The following HCN1 variants were observed in gnomAD, a reference collection of about 807,000 sequenced individuals.
HCN1 encodes the protein potassium/sodium hyperpolarization-activated cyclic nucleotide-gated channel 1.
A neutral mutation model predicts 78.9 loss-of-function variants in HCN1; 13 were observed. That is an observed-to-expected ratio of 0.16 (90% CI 0.11 to 0.26). HCN1 has a LOEUF of 0.26. Among genes scored for constraint, HCN1 ranks in the 10% least tolerant of loss-of-function variants. HCN1 has a pLI of 1.00. For synonymous variants in HCN1, 552 were observed against 455.5 expected (o/e 1.21, Z -2.70); for missense variants, 810 against 1,154.3 (o/e 0.70, Z 4.32).
rs545186145 is a variant in HCN1 at position 45,581,422 on chromosome 5, C to T, written c.849+63763G>A. ...TTCTTTGTAGATTCTGGATATTAGC[C>T]CTTTGTCAGATGAGTAGATTGTAAA... is the stretch of plus-strand genomic sequence containing the variant. On this transcript the variant is annotated intron_variant, in intron 2 of 7. Transcript: ENST00000303230. Among the ~76,000 whole-genome samples the T allele has an allele frequency of 1.3e-4, 20 of 152,018 alleles. 1 individual carries two copies. Among genetic ancestry groups the T allele is most frequent in the African/African-American group, 4.8e-4 (20 of 41,430 alleles).
chr5:45,368,481 C>A (rs1747279759), intron 4 of HCN1, among the ~76,000 whole-genome samples: 1 of 151,954 alleles, frequency 6.6e-6, no homozygotes, highest in Non-Finnish European at 1.5e-5. Flanking sequence ...TGCACTATTT[C>A]TCTTCTATAT....
At chr5:45,403,053 C>G (rs546671434) in intron 3 of HCN1, among the ~76,000 whole-genome samples, 8 of 152,158 alleles carry the variant, frequency 5.3e-5, no homozygotes, top group Admixed American at 4.6e-4. Flanking sequence ...GCCACTGTAT[C>G]TGGTCCTTAG....
At chr5:45,487,060 T>C (rs1285155732) in intron 2 of HCN1, among the ~76,000 whole-genome samples, 1 of 152,102 alleles carries the variant, frequency 6.6e-6, no homozygotes, top group East Asian at 1.9e-4. Context: ...CAGTAATTGT[T>C]TCTTACTTCC....
chr5:45,562,154 G>A (rs531352658), intron 2 of HCN1, among the ~76,000 whole-genome samples: 1 of 152,086 alleles, frequency 6.6e-6, no homozygotes, highest in Non-Finnish European at 1.5e-5. Context: ...AGTTTTCTTG[G>A]TGGCCCTGTC....
chr5:45,622,471 T>C (rs947511277), intron 2 of HCN1, among the ~76,000 whole-genome samples: 2 of 152,130 alleles, frequency 1.3e-5, no homozygotes, highest in African/African-American at 2.4e-5. Context: ...CACTCACATT[T>C]TCCTAATTTT....
At chr5:45,657,382 T>C (rs1745791833) in intron 1 of HCN1, among the ~76,000 whole-genome samples, 1 of 152,228 alleles carries the variant, frequency 6.6e-6, no homozygotes, top group African/African-American at 2.4e-5. Context: ...TTAGTGGTAC[T>C]TATTAAATCT....
chr5:45,501,436 GTTTGT>G (rs1742183198), intron 2 of HCN1, among the ~76,000 whole-genome samples: 2 of 150,114 alleles, frequency 1.3e-5, no homozygotes, highest in Non-Finnish European at 3.0e-5. Flanking sequence ...CTTTTTTTTT[GTTTGT>G]TTTGTTTTTT....
chr5:45,563,178 G>A (rs1451896676), intron 2 of HCN1, among the ~76,000 whole-genome samples: 2 of 152,024 alleles, frequency 1.3e-5, no homozygotes, highest in Non-Finnish European at 2.9e-5. Flanking sequence ...GGCCGGGTGC[G>A]GTGGCTCACG....
chr5:45,695,686 G>A lies in HCN1; in HGVS notation c.408C>T (p.His136=). 2.5e-6 allele frequency: 4 copies of A among 1,612,408 alleles called. No homozygotes were observed. The South Asian group carries it at 3.3e-5, about 13-fold the overall frequency. Residue 136 remains histidine, a synonymous_variant, in exon 1 of 8, where the codon CAC becomes CAT. Transcript: ENST00000303230. The stretch of plus-strand genomic sequence containing the variant: ...GCCCTCACCTGAAATCACTGTAAGG[G>A]TGGATAATCCAGAAGCCTGCAGTTT... ...RVKTAGFWII[H]PYSDFRFYWD...
rs1414383394 is a variant in HCN1, at chr5:45,350,705, A to G, written c.1377+2395T>C. Among the ~76,000 whole-genome samples the G allele has an allele frequency of 1.3e-5, 2 of 151,096 alleles. 1 individual carries two copies. The highest frequency in any genetic ancestry group is 4.9e-5 in the African/African-American group (2 of 41,104). On this transcript the variant is annotated intron_variant, in intron 5 of 7. Coordinates refer to ENST00000303230, the MANE Select transcript of HCN1 (RefSeq NM_021072.4). Reference sequence around the variant, plus strand: ...CAGGATACAAAATCAATGTACAAAAATCACAAGCATTCTTATACACCAACA... The same window carrying G: ...CAGGATACAAAATCAATGTACAAAAGTCACAAGCATTCTTATACACCAACA...
intron 5 of HCN1, among the ~76,000 whole-genome samples, chr5:45,311,522 T>A (rs1745851372): frequency 6.6e-6 from 1 of 152,222 alleles, no homozygotes; most frequent in Admixed American, 6.5e-5. Context: ...ATATTTGGCA[T>A]AAACACCCAT....
chr5:45,608,620 T>A (rs151108409), intron 2 of HCN1, among the ~76,000 whole-genome samples: 1 of 151,990 alleles, frequency 6.6e-6, no homozygotes, highest in Admixed American at 6.6e-5. Flanking sequence ...TAAGAAATGT[T>A]TACACAGTAT....
intron 3 of HCN1, among the ~76,000 whole-genome samples, chr5:45,418,747 T>C (rs959121184): frequency 2.4e-4 from 36 of 152,242 alleles, no homozygotes; most frequent in African/African-American, 8.7e-4. Context: ...CTTAAGGATG[T>C]CAGATATCTG....
At chr5:45,306,426 C>T (rs529168925) in intron 5 of HCN1, among the ~76,000 whole-genome samples, 111 of 152,152 alleles carry the variant, frequency 7.3e-4, no homozygotes, top group Middle Eastern at 3.4e-3. Flanking sequence ...TATAACACTA[C>T]TGGAATAATT....
At chr5:45,499,405 C>A (rs1296677234) in intron 2 of HCN1, among the ~76,000 whole-genome samples, 1 of 152,210 alleles carries the variant, frequency 6.6e-6, no homozygotes, top group Non-Finnish European at 1.5e-5. Context: ...TCCCTGACCC[C>A]TTGCACTTCC....
chr5:45,476,547 C>T (rs1413595590), intron 2 of HCN1, among the ~76,000 whole-genome samples: 1 of 152,142 alleles, frequency 6.6e-6, no homozygotes, highest in Non-Finnish European at 1.5e-5. Context: ...AAACTTAGGT[C>T]TCAGCATGGC....
chr5:45,313,344 T>A (rs1314981750), intron 5 of HCN1, among the ~76,000 whole-genome samples: 2 of 152,028 alleles, frequency 1.3e-5, no homozygotes, highest in Non-Finnish European at 2.9e-5. Context: ...AGAAAGGACA[T>A]TCACACCAAA....
chr5:45,498,036 A>T (rs867172742), intron 2 of HCN1, among the ~76,000 whole-genome samples: 27 of 152,008 alleles, frequency 1.8e-4, no homozygotes, highest in African/African-American at 6.5e-4. Flanking sequence ...CTTCATTTCA[A>T]CTTTGGTGAA....
intron 4 of HCN1, among the ~76,000 whole-genome samples, chr5:45,360,684 T>C (rs971443323): frequency 6.6e-6 from 1 of 152,076 alleles, no homozygotes; most frequent in African/African-American, 2.4e-5. Flanking sequence ...TGAAAAAGTT[T>C]TAAGTCACAT....
Sources: allele counts gnomAD v4.1 joint callset (sites outside exome capture counted in the v4.1 genomes callset), GRCh38; gene constraint gnomAD v4.1.1; transcripts MANE v1.5; gene names NCBI Gene and HGNC (gene_info 2026-07-23, HGNC 2026-07-21).